GRM8: variants seen among roughly 807,000 people sequenced by gnomAD.
The protein encoded by GRM8 is glutamate metabotropic receptor 8.
GRM8 carries 47 observed loss-of-function variants against 87.2 expected under a neutral mutation model. That is an observed-to-expected ratio of 0.54 (90% CI 0.43 to 0.69). The LOEUF is 0.69. GRM8 is among the 30% of genes least tolerant of loss of function. GRM8 has a pLI of 0.00. For synonymous variants in GRM8, 396 were observed against 404.5 expected (o/e 0.98, Z 0.25); for missense variants, 1,019 against 1,139.2 (o/e 0.89, Z 1.52).
chr7:127,116,895 A>G (rs1826730218), intron 2 of GRM8, among the ~76,000 whole-genome samples: 1 of 152,210 alleles, frequency 6.6e-6, no homozygotes, highest in South Asian at 2.1e-4. Context: ...TGGGGTTCTT[A>G]TGCCAGGACT....
intron 9 of GRM8, among the ~76,000 whole-genome samples, chr7:126,491,532 T>C (rs1462811319): frequency 6.6e-6 from 1 of 152,076 alleles, no homozygotes; most frequent in African/African-American, 2.4e-5. Context: ...AATGTAAATG[T>C]ACAGAACTTA....
chr7:126,909,118 T>C (rs1803014906), intron 3 of GRM8, among the ~76,000 whole-genome samples: 1 of 152,194 alleles, frequency 6.6e-6, no homozygotes, highest in Admixed American at 6.5e-5. Context: ...TGACAATATG[T>C]ACACATAAGA....
At chr7:127,123,802 C>T (rs1412797912) in intron 2 of GRM8, among the ~76,000 whole-genome samples, 1 of 152,052 alleles carries the variant, frequency 6.6e-6, no homozygotes, top group African/African-American at 2.4e-5. Context: ...TTTTCTTCCC[C>T]ATAAGAAATA....
At chr7:126,579,830 C>A (rs1444924121) in intron 8 of GRM8, among the ~76,000 whole-genome samples, 3 of 151,876 alleles carry the variant, frequency 2.0e-5, no homozygotes, top group Non-Finnish European at 4.4e-5. Context: ...TTATTTAATA[C>A]TCTGTTAATC....
chr7:127,017,902 T>A (rs756988922), intron 3 of GRM8, among the ~76,000 whole-genome samples: 8 of 151,934 alleles, frequency 5.3e-5, no homozygotes, highest in Admixed American at 1.3e-4. Flanking sequence ...TGCATTTTTT[T>A]AAAAAAGAAA....
At chr7:126,762,306 G>A (rs1400405052) in intron 7 of GRM8, among the ~76,000 whole-genome samples, 2 of 151,878 alleles carry the variant, frequency 1.3e-5, no homozygotes, top group South Asian at 2.1e-4. Flanking sequence ...AGACCTGGAA[G>A]AGAACTCAAA....
intron 3 of GRM8, among the ~76,000 whole-genome samples, chr7:127,092,218 A>G (rs903399671): frequency 6.6e-6 from 1 of 151,710 alleles, no homozygotes; most frequent in African/African-American, 2.4e-5. Context: ...ACACTTGACA[A>G]TTTCTGAGGT....
intron 6 of GRM8, among the ~76,000 whole-genome samples, chr7:126,846,853 G>A (rs562114396): frequency 2.8e-4 from 42 of 152,178 alleles, no homozygotes; most frequent in Non-Finnish European, 5.7e-4. Flanking sequence ...ATGTTACCCA[G>A]TGTGGACCAC....
chr7:127,247,126 A>T (rs1459494915), intron 1 of GRM8, among the ~76,000 whole-genome samples: 1 of 152,226 alleles, frequency 6.6e-6, no homozygotes, highest in African/African-American at 2.4e-5. Flanking sequence ...GGAAGGGACA[A>T]TCTGGGGGCA....
intron 6 of GRM8, among the ~76,000 whole-genome samples, chr7:126,797,999 G>A (rs939661459): frequency 3.9e-5 from 6 of 152,110 alleles, no homozygotes; most frequent in African/African-American, 1.4e-4. Flanking sequence ...TACAACCCCA[G>A]GAAAACTGCA....
chr7:126,974,327 G>A (rs991639798), intron 3 of GRM8, among the ~76,000 whole-genome samples: 2 of 152,138 alleles, frequency 1.3e-5, no homozygotes, highest in Non-Finnish European at 2.9e-5. Context: ...CGTTAAATAA[G>A]TAGATTTAGT....
At chr7:126,871,296 G>A (rs1259726218) in intron 6 of GRM8, among the ~76,000 whole-genome samples, 1 of 152,150 alleles carries the variant, frequency 6.6e-6, no homozygotes, top group Non-Finnish European at 1.5e-5. Context: ...TCATTGTTCT[G>A]TGTATGCATT....
intron 3 of GRM8, among the ~76,000 whole-genome samples, chr7:127,043,514 A>G (rs1449675479): frequency 1.3e-5 from 2 of 152,164 alleles, no homozygotes; most frequent in Non-Finnish European, 2.9e-5. Context: ...CTATCACAAG[A>G]ACAAAAAACC....
intron 9 of GRM8, among the ~76,000 whole-genome samples, chr7:126,467,708 G>C (rs1190724332): frequency 6.6e-6 from 1 of 151,962 alleles, no homozygotes; most frequent in East Asian, 1.9e-4. Context: ...AAAATACTTA[G>C]TGTTTATCTC....
intron 6 of GRM8, among the ~76,000 whole-genome samples, chr7:126,807,147 C>T (rs1211835493): frequency 2.6e-5 from 4 of 152,216 alleles, no homozygotes; most frequent in Non-Finnish European, 4.4e-5. Flanking sequence ...TTACTTTTGA[C>T]TAAGTTTTGG....
intron 3 of GRM8, among the ~76,000 whole-genome samples, chr7:127,035,077 C>T (rs552272157): frequency 2.0e-5 from 3 of 152,304 alleles, no homozygotes; most frequent in Admixed American, 2.0e-4. Flanking sequence ...TCAAATACAT[C>T]TTTGTATCAC....
At chr7:126,547,018 T>C (rs1817233453) in intron 8 of GRM8, among the ~76,000 whole-genome samples, 1 of 152,126 alleles carries the variant, frequency 6.6e-6, no homozygotes, top group Non-Finnish European at 1.5e-5. Flanking sequence ...CCCACCTAGG[T>C]CATGGAATAC....
chr7:126,537,727 A>T lies in GRM8; in HGVS notation c.1495-3840T>A, dbSNP rs146987689. ...GGGAGGCGGAGCTTGCAGTAAGCCG[A>T]GATCACGCCACCGCACTCCAGCCTG... On this transcript the variant is annotated intron_variant, in intron 8 of 10. Transcript: ENST00000339582. Among the ~76,000 whole-genome samples, 1,124 of 152,210 alleles carry T rather than the reference A, an allele frequency of 7.4e-3. 13 individuals carry two copies. Among genetic ancestry groups the T allele is most frequent in the African/African-American group, 0.026 (1,084 of 41,524 alleles).
intron 7 of GRM8, among the ~76,000 whole-genome samples, chr7:126,737,061 G>T (rs1435173616): frequency 1.3e-5 from 2 of 152,012 alleles, no homozygotes; most frequent in Non-Finnish European, 2.9e-5. Flanking sequence ...CCTGCCTGGG[G>T]ACTAGACTGC....
Sources: allele counts gnomAD v4.1 joint callset (sites outside exome capture counted in the v4.1 genomes callset), GRCh38; gene constraint gnomAD v4.1.1; transcripts MANE v1.5; gene names NCBI Gene and HGNC (gene_info 2026-07-23, HGNC 2026-07-21).